RBFOX1: variants seen among roughly 807,000 people sequenced by gnomAD.
The protein encoded by RBFOX1 is RNA binding protein fox-1 homolog 1.
A neutral mutation model predicts 57.7 loss-of-function variants in RBFOX1; 8 were observed. The observed-to-expected ratio is 0.14, with a 90% CI of 0.08 to 0.25. The LOEUF (loss-of-function observed/expected upper bound fraction) is 0.25. Among genes scored for constraint, RBFOX1 ranks in the 10% least tolerant of loss-of-function variants. The probability of loss-of-function intolerance (pLI) is 1.00; values close to 1 mark genes in which losing one functional copy is unlikely to be tolerated. For synonymous variants in RBFOX1, 326 were observed against 222.4 expected, an observed-to-expected ratio of 1.47 and a Z score of -4.15; for missense variants, 611 against 548.5, an observed-to-expected ratio of 1.11 and a Z score of -1.14.
chr16:5,410,314 A>G lies in RBFOX1; in HGVS notation c.220-56902A>G, dbSNP rs114426244. On this transcript the variant is annotated intron_variant, in intron 1 of 2. Coordinates refer to the RBFOX1 transcript ENST00000585867. ...TGTGCCCTCAGAGGTTGAGGCTGCA[A>G]TGAGCTGTGATTGGGCCACTGCACT... is the stretch of plus-strand genomic sequence containing the variant. Among the ~76,000 whole-genome samples, 606 of 151,798 alleles carry G rather than the reference A, an allele frequency of 4.0e-3. 6 individuals are homozygous for G. The highest frequency in any genetic ancestry group is 0.013 in the African/African-American group (548 of 41,410).
chr16:5,658,637 A>G (rs1375267660), intron 3 of RBFOX1, among the ~76,000 whole-genome samples: 4 of 152,022 alleles, frequency 2.6e-5, no homozygotes, highest in Middle Eastern at 3.2e-3. Flanking sequence ...TACTTCCCTT[A>G]GAATAATAGT....
chr16:5,448,069 G>C (rs962898069), intron 1 of RBFOX1, among the ~76,000 whole-genome samples: 16 of 152,184 alleles, frequency 1.1e-4, no homozygotes, highest in African/African-American at 3.9e-4. Context: ...GTGAATCGAG[G>C]TCAGTTCTTA....
chr16:6,656,926 TCCTCCCCTCTCCTCC>T (rs2098659598), intron 3 of RBFOX1, among the ~76,000 whole-genome samples: 1 of 117,896 alleles, frequency 8.5e-6, no homozygotes, highest in Non-Finnish European at 1.7e-5. Context: ...CCCTCTCCTC[TCCTCCCCTCTCCTCC>T]CCTTTCCTCT....
At chr16:6,752,274 G>C (rs920311249) in intron 3 of RBFOX1, among the ~76,000 whole-genome samples, 1 of 152,178 alleles carries the variant, frequency 6.6e-6, no homozygotes, top group Non-Finnish European at 1.5e-5. Context: ...CGAAGTGATA[G>C]ATTGAAATGC....
intron 3 of RBFOX1, among the ~76,000 whole-genome samples, chr16:7,005,944 GC>G (rs2093260991): frequency 6.6e-6 from 1 of 152,124 alleles, no homozygotes; most frequent in South Asian, 2.1e-4. Context: ...CCAGAGAAAA[GC>G]CCCAATTCTT....
chr16:6,080,352 C>G (rs2095981957), intron 1 of RBFOX1, among the ~76,000 whole-genome samples: 1 of 152,154 alleles, frequency 6.6e-6, no homozygotes, highest in Admixed American at 6.5e-5. Flanking sequence ...AGGGTTCCAG[C>G]TCTCACCTAA....
intron 10 of RBFOX1, among the ~76,000 whole-genome samples, chr16:7,621,362 G>A (rs2059294656): frequency 6.6e-6 from 1 of 152,042 alleles, no homozygotes; most frequent in South Asian, 2.1e-4. Flanking sequence ...GCGGGTTCAA[G>A]CAATTCTTGT....
chr16:7,316,128 C>G (rs1568174664), intron 4 of RBFOX1, among the ~76,000 whole-genome samples: 1 of 152,056 alleles, frequency 6.6e-6, no homozygotes, highest in African/African-American at 2.4e-5. Flanking sequence ...TGCAGCGTGC[C>G]AAGAAGATTA....
At chr16:6,114,435 G>C (rs953252945) in intron 1 of RBFOX1, among the ~76,000 whole-genome samples, 1 of 152,188 alleles carries the variant, frequency 6.6e-6, no homozygotes, top group African/African-American at 2.4e-5. Flanking sequence ...CTTTTTGTGT[G>C]TACGTAGCTT....
At chr16:6,448,013 GTAGT>G (rs1453761614) in intron 2 of RBFOX1, among the ~76,000 whole-genome samples, 3 of 151,970 alleles carry the variant, frequency 2.0e-5, no homozygotes, top group Non-Finnish European at 4.4e-5. Context: ...TTTAAGCATG[GTAGT>G]TAGAGTGTTG....
rs79740053 is a variant in RBFOX1, at chr16:5,821,895, C to A, written c.319-45408C>A. ...TGCAGCCCTTTTATAAGGCACGGAG[C>A]CTTCATGGCCTGATCACCTCCTAAA... is the stretch of plus-strand genomic sequence containing the variant. On this transcript the variant is annotated intron_variant, in intron 3 of 19. Coordinates refer to the RBFOX1 transcript ENST00000641259. Among the ~76,000 whole-genome samples, 689 of 152,256 alleles carry A rather than the reference C, an allele frequency of 4.5e-3. 3 individuals carry two copies. The highest frequency in any genetic ancestry group is 0.02 in the Middle Eastern group (6 of 294).
intron 4 of RBFOX1, among the ~76,000 whole-genome samples, chr16:7,338,938 C>T (rs1018638256): frequency 7.9e-5 from 12 of 152,164 alleles, no homozygotes; most frequent in African/African-American, 2.4e-5. Flanking sequence ...TCAGCATGCA[C>T]ACCTGATATA....
intron 3 of RBFOX1, among the ~76,000 whole-genome samples, chr16:6,678,869 C>A (rs1479174188): frequency 6.6e-6 from 1 of 152,068 alleles, no homozygotes; most frequent in Non-Finnish European, 1.5e-5. Flanking sequence ...TGGTTTATCG[C>A]ATTGTTTCCA....
intron 3 of RBFOX1, among the ~76,000 whole-genome samples, chr16:6,677,932 C>T (rs962264162): frequency 6.6e-6 from 1 of 152,026 alleles, no homozygotes; most frequent in Non-Finnish European, 1.5e-5. Context: ...AGTAAGGAAC[C>T]ATAAAGAACA....
At chr16:7,606,788 C>A (rs376379023) in intron 9 of RBFOX1, among the ~76,000 whole-genome samples, 1 of 152,086 alleles carries the variant, frequency 6.6e-6, no homozygotes, top group Non-Finnish European at 1.5e-5. Context: ...ATATCATTTT[C>A]TTTGGTTTTT....
intron 3 of RBFOX1, among the ~76,000 whole-genome samples, chr16:7,006,160 AT>A (rs960282591): frequency 1.3e-5 from 2 of 150,808 alleles, no homozygotes; most frequent in African/African-American, 2.5e-5. Flanking sequence ...TTATTTATTT[AT>A]TTTTTTTTGA....
At chr16:6,954,378 C>A (rs1170662239) in intron 3 of RBFOX1, among the ~76,000 whole-genome samples, 2 of 152,030 alleles carry the variant, frequency 1.3e-5, no homozygotes, top group Non-Finnish European at 2.9e-5. Context: ...ATTAGTAGTT[C>A]CGGCATGCAT....
At chr16:6,801,762 G>T (rs1457972731) in intron 3 of RBFOX1, among the ~76,000 whole-genome samples, 1 of 152,120 alleles carries the variant, frequency 6.6e-6, no homozygotes, top group Non-Finnish European at 1.5e-5. Flanking sequence ...CAGGGAGAAG[G>T]TCTGGAAAAT....
intron 3 of RBFOX1, among the ~76,000 whole-genome samples, chr16:6,831,874 G>C (rs2092733218): frequency 6.6e-6 from 1 of 152,128 alleles, no homozygotes; most frequent in African/African-American, 2.4e-5. Flanking sequence ...TTTATGCAGT[G>C]AAAGAAGTAG....
Sources: allele counts gnomAD v4.1 joint callset (sites outside exome capture counted in the v4.1 genomes callset), GRCh38; gene constraint gnomAD v4.1.1; transcripts MANE v1.5; gene names NCBI Gene and HGNC (gene_info 2026-07-23, HGNC 2026-07-21).